Variants in SEC22A observed in about 807,000 individuals in gnomAD.
SEC22A encodes the protein vesicle-trafficking protein SEC22a.
Under a neutral mutation model 35.3 loss-of-function variants are expected in SEC22A, and 22 were observed. The ratio of observed to expected loss-of-function variants is 0.62; its 90% CI spans 0.45 to 0.89. The LOEUF (loss-of-function observed/expected upper bound fraction) is 0.89. Ranked by LOEUF, SEC22A falls within the 40% of genes least tolerant of loss-of-function variation. SEC22A has a pLI of 0.00. For synonymous variants in SEC22A, 119 were observed against 129.5 expected, an observed-to-expected ratio of 0.92 and a Z score of 0.55; for missense variants, 354 against 362.5, an observed-to-expected ratio of 0.98 and a Z score of 0.19.
chr3:123,228,563 G>A (rs1168228100), intron 4 of SEC22A, among the ~76,000 whole-genome samples: 35 of 128,962 alleles, frequency 2.7e-4, no homozygotes, highest in Non-Finnish European at 3.0e-4. Context: ...CAACGAGAGC[G>A]AAAACTCCAT....
chr3:123,270,150 G>A (rs910104060), intron 6 of SEC22A, among the ~76,000 whole-genome samples: 3 of 152,258 alleles, frequency 2.0e-5, no homozygotes, highest in South Asian at 4.2e-4. Flanking sequence ...AGAGGATAAC[G>A]GGGAACAGGG....
chr3:123,213,477 A>G (rs1054052326), intron 2 of SEC22A, among the ~76,000 whole-genome samples: 1 of 152,090 alleles, frequency 6.6e-6, no homozygotes, highest in African/African-American at 2.4e-5. Context: ...CTTTCCTTCA[A>G]ACCCTACTTC....
chr3:123,247,075 G>A (rs1042780906), intron 5 of SEC22A, among the ~76,000 whole-genome samples: 1 of 152,162 alleles, frequency 6.6e-6, no homozygotes, highest in African/African-American at 2.4e-5. Flanking sequence ...GCTGGCTGCT[G>A]TCCCTCGGCC....
intron 4 of SEC22A, among the ~76,000 whole-genome samples, chr3:123,235,596 T>C (rs1269345632): frequency 6.6e-6 from 1 of 152,232 alleles, no homozygotes; most frequent in Non-Finnish European, 1.5e-5. Flanking sequence ...TGTAAAATTA[T>C]GCAGTCACTT....
At chr3:123,240,564 G>T (rs373169852) in intron 4 of SEC22A, among the ~76,000 whole-genome samples, 1 of 152,212 alleles carries the variant, frequency 6.6e-6, no homozygotes, top group East Asian at 1.9e-4. Flanking sequence ...ACTTGTTTCA[G>T]TTTTTGTTAT....
chr3:123,222,230 C>T (rs1485720699), intron 2 of SEC22A, among the ~76,000 whole-genome samples: 5 of 151,592 alleles, frequency 3.3e-5, no homozygotes, highest in Admixed American at 2.6e-4. Context: ...CAGAGTCTCT[C>T]TCTTGTCACC....
chr3:123,209,179 A>C lies in SEC22A; in HGVS notation c.-19-20A>C. The C allele has an allele frequency of 4.4e-6, 7 of 1,600,830 alleles. No individual in the cohort carries two copies. The highest frequency in any genetic ancestry group is 6.0e-6 in the Non-Finnish European group (7 of 1,168,882). On this transcript the variant is annotated intron_variant, in intron 1 of 6. Coordinates refer to ENST00000492595, the MANE Select transcript of SEC22A (RefSeq NM_012430.5). Reference sequence around the variant, plus strand: ...TTGGCTTTAATTTTTATGTAACCCAAATTGTTCATTTTGTTTTAGGTCTTC... The same window carrying C: ...TTGGCTTTAATTTTTATGTAACCCACATTGTTCATTTTGTTTTAGGTCTTC...
intron 3 of SEC22A, 70 bp from the exon 4 acceptor site, chr3:123,225,033 A>C (rs1311534065): frequency 4.8e-5 from 49 of 1,012,756 alleles, no homozygotes; most frequent in Non-Finnish European, 6.6e-5. Flanking sequence ...TTTACTATCC[A>C]TAAACATCAT....
In SEC22A at chr3:123,208,724, AAAAAAAC is replaced by A. The variant is rs574313570; in HGVS notation, c.-19-456_-19-450del. 550 of 156,738 alleles carry A rather than the reference AAAAAAAC, an allele frequency of 3.5e-3. 4 individuals carry two copies. The highest frequency in any genetic ancestry group is 0.011 in the African/African-American group (440 of 41,478). The allele number at this position is 156,738 out of a possible 1,614,324, so 9.7% of individuals were successfully genotyped here. ...GACAGAGCAAGATGCTGTCTCAAAA[AAAAAAAC>A]AAAAAACAAAAAACAAAAGCTATAT... On this transcript the variant is annotated intron_variant, in intron 1 of 6. Coordinates refer to ENST00000492595, the MANE Select transcript of SEC22A (RefSeq NM_012430.5).
intron 4 of SEC22A, among the ~76,000 whole-genome samples, chr3:123,236,500 G>A (rs1349450380): frequency 6.6e-6 from 1 of 152,106 alleles, no homozygotes; most frequent in African/African-American, 2.4e-5. Context: ...TTTTCCTTTG[G>A]TGCTTTTACC....
In SEC22A at chr3:123,209,458, G is replaced by T. The variant is rs146120170; in HGVS notation, c.182+59G>T. 6.0e-5 allele frequency: 84 copies of T among 1,399,536 alleles called. No individual in the cohort carries two copies. The East Asian group carries it at 1.9e-3, about 32-fold the overall frequency. 86.7% of individuals were successfully genotyped at this position (1,399,536 alleles called of 1,614,324 possible). A position where few individuals can be genotyped will look rare whatever the true frequency, so the allele number is the denominator to read the frequency against. ...GCCCAGTAGTTGTCATTTTAATGAA[G>T]TTTAAGTGGTTGCAATAGAAAGGAG... On this transcript the variant is annotated intron_variant, in intron 2 of 6. Transcript: ENST00000492595.
In SEC22A at chr3:123,271,785, C is replaced by A; in HGVS notation, c.*63C>A. ...ATAAGGAGGGAACATATCATAACTG[C>A]ACTGTGATGAAGAAGCTGTTCCCCA... On this transcript the variant is annotated 3_prime_UTR_variant, in exon 7 of 7. Coordinates refer to ENST00000492595, the MANE Select transcript of SEC22A (RefSeq NM_012430.5). 7.5e-7 allele frequency: 1 copy of A among 1,325,262 alleles called. No individual in the cohort carries two copies. Among genetic ancestry groups the A allele is most frequent in the Non-Finnish European group, 1.1e-6 (1 of 931,252 alleles). 82.1% of individuals were successfully genotyped at this position (1,325,262 alleles called of 1,614,324 possible).
chr3:123,250,247 T>A lies in SEC22A; in HGVS notation c.657+4233T>A, dbSNP rs375033971. Among the ~76,000 whole-genome samples the A allele has an allele frequency of 2.7e-3, 411 of 152,146 alleles. 3 individuals are homozygous for A. The highest frequency in any genetic ancestry group is 8.7e-3 in the African/African-American group (363 of 41,512). Reference sequence around the variant, plus strand: ...CAACATGGTGAAACCCCGTCTCTACTAAAAATACAAAAATTAGCTGGGTGT... The same window carrying A: ...CAACATGGTGAAACCCCGTCTCTACAAAAAATACAAAAATTAGCTGGGTGT... On this transcript the variant is annotated intron_variant, in intron 5 of 6. Coordinates refer to ENST00000492595, the MANE Select transcript of SEC22A (RefSeq NM_012430.5).
intron 4 of SEC22A, among the ~76,000 whole-genome samples, chr3:123,245,519 A>G (rs905034069): frequency 6.6e-5 from 10 of 151,124 alleles, no homozygotes; most frequent in Non-Finnish European, 1.2e-4. Flanking sequence ...ACATAGTGAG[A>G]CTCTGTCTCT....
At chr3:123,227,117 A>T (rs1172861952) in intron 4 of SEC22A, among the ~76,000 whole-genome samples, 1 of 152,170 alleles carries the variant, frequency 6.6e-6, no homozygotes, top group Non-Finnish European at 1.5e-5. Flanking sequence ...CAGTTGTGAA[A>T]TGATATAAAC....
At chr3:123,236,056 T>C (rs1937413657) in intron 4 of SEC22A, among the ~76,000 whole-genome samples, 1 of 152,020 alleles carries the variant, frequency 6.6e-6, no homozygotes, top group Non-Finnish European at 1.5e-5. Context: ...TGGAGGGAAA[T>C]AGGCAGTGAC....
chr3:123,218,145 A>G (rs1463295498), intron 2 of SEC22A, among the ~76,000 whole-genome samples: 1 of 152,344 alleles, frequency 6.6e-6, no homozygotes, highest in Middle Eastern at 3.4e-3. Context: ...TTAGCTTTTT[A>G]GCAAAGTGAT....
At chr3:123,209,678 G>A (rs889622423) in intron 2 of SEC22A, among the ~76,000 whole-genome samples, 3 of 152,158 alleles carry the variant, frequency 2.0e-5, no homozygotes, top group Admixed American at 1.3e-4. Flanking sequence ...ACCTAGGGTT[G>A]TAGTAAGCAA....
At chr3:123,207,761 G>A (rs1936875404) in intron 1 of SEC22A, among the ~76,000 whole-genome samples, 1 of 152,152 alleles carries the variant, frequency 6.6e-6, no homozygotes, top group South Asian at 2.1e-4. Flanking sequence ...TTGAGTGACT[G>A]TTGACCTGAG....
Sources: gnomAD v4.1 joint callset for allele counts (sites outside exome capture counted in the v4.1 genomes callset) on GRCh38, gnomAD v4.1.1 for gene constraint, MANE v1.5 for transcripts, NCBI Gene and HGNC (gene_info 2026-07-23, HGNC 2026-07-21) for gene names.